Variants in XIRP2 observed in about 807,000 individuals in gnomAD.
The protein encoded by XIRP2 is xin actin-binding repeat-containing protein 2.
In XIRP2, 236 loss-of-function variants were observed where a neutral mutation model predicts 277.0. That is an observed-to-expected ratio of 0.85 (90% confidence interval 0.77 to 0.95). XIRP2 has a LOEUF of 0.95. Among genes scored for constraint, XIRP2 ranks in the 40% least tolerant of loss-of-function variants. The pLI is 0.00. For synonymous variants in XIRP2, 1,490 were observed against 1,416.5 expected, an observed-to-expected ratio of 1.05 and a Z score of -1.17; for missense variants, 4,640 against 4,157.5, an observed-to-expected ratio of 1.12 and a Z score of -3.19.
intron 2 of XIRP2, among the ~76,000 whole-genome samples, chr2:167,045,643 C>T (rs1366077606): frequency 6.6e-6 from 1 of 151,936 alleles, no homozygotes; most frequent in Non-Finnish European, 1.5e-5. Context: ...CTGCTCAACA[C>T]CATTAATCAT....
rs1695149020 is a variant in XIRP2, at chr2:167,243,614, T to C, written c.2222T>C (p.Leu741Ser). The C allele has an allele frequency of 2.5e-6, 4 of 1,613,886 alleles. No homozygotes were observed. In the East Asian group the frequency reaches 6.7e-5, roughly 27 times the overall value. The stretch of plus-strand genomic sequence containing the variant: ...ATAAAATGTTTCGAAACTCAACCAT[T>C]ATATGTTATTAGAGATGGTTCGGGC... ...RSIKCFETQP[L>S]YVIRDGSGQM... Residue 741 changes from leucine (L) to serine (S), a missense_variant, in exon 9 of 11, where the codon TTA becomes TCA. By Grantham distance (145) the Leu-to-Ser change is moderately radical. Transcript: ENST00000409195.
chr2:166,952,716 T>G (rs1396161776), intron 2 of XIRP2, among the ~76,000 whole-genome samples: 1 of 152,032 alleles, frequency 6.6e-6, no homozygotes, highest in Non-Finnish European at 1.5e-5. Flanking sequence ...ATGCTCATCT[T>G]TACTCTGTTT....
intron 2 of XIRP2, among the ~76,000 whole-genome samples, chr2:166,974,181 C>T (rs369078123): frequency 1.3e-4 from 20 of 152,146 alleles, no homozygotes; most frequent in African/African-American, 4.3e-4. Context: ...GTCTGCAGCA[C>T]GAGTTGTTTG....
At chr2:167,007,667 A>G (rs1206345889) in intron 2 of XIRP2, among the ~76,000 whole-genome samples, 2 of 144,834 alleles carry the variant, frequency 1.4e-5, no homozygotes, top group African/African-American at 5.2e-5. Context: ...CATATATCTT[A>G]CCCACATGTA....
chr2:167,155,240 A>G (rs370326379), intron 3 of XIRP2, among the ~76,000 whole-genome samples: 1 of 151,792 alleles, frequency 6.6e-6, no homozygotes, highest in Non-Finnish European at 1.5e-5. Context: ...TCCCTAACTC[A>G]TTTTATGAGG....
intron 3 of XIRP2, among the ~76,000 whole-genome samples, chr2:167,204,536 G>A (rs565774914): frequency 3.9e-5 from 6 of 152,214 alleles, no homozygotes; most frequent in African/African-American, 9.6e-5. Flanking sequence ...TTTAGAACCC[G>A]TCTCTGTTTC....
chr2:167,148,892 C>A (rs1281080050), intron 3 of XIRP2, among the ~76,000 whole-genome samples: 2 of 151,396 alleles, frequency 1.3e-5, no homozygotes, highest in African/African-American at 4.9e-5. Flanking sequence ...TAAGCAAGCC[C>A]AGAAACTGTT....
intron 2 of XIRP2, among the ~76,000 whole-genome samples, chr2:167,126,175 GCT>G (rs759213012): frequency 8.9e-4 from 116 of 130,086 alleles, no homozygotes; most frequent in Non-Finnish European, 1.2e-3. Context: ...CTCCTTGTGC[GCT>G]CTCTCTCTCT....
At position 167,057,742 on chromosome 2, in the gene XIRP2, T is replaced by G. The variant is rs182454043; in HGVS notation, c.409-78167T>G. Reference sequence around the variant, plus strand: ...TGAAAATAGAGACAACCATAAATCCTGAAGGAATTTTCTGCTTGGTCAGAA... The same window carrying G: ...TGAAAATAGAGACAACCATAAATCCGGAAGGAATTTTCTGCTTGGTCAGAA... On this transcript the variant is annotated intron_variant, in intron 2 of 10. Transcript: ENST00000409195. Among the ~76,000 whole-genome samples, 39 of 152,272 alleles carry G rather than the reference T, an allele frequency of 2.6e-4. 1 individual carries two copies. In the East Asian group the frequency reaches 3.5e-3, roughly 14 times the overall value.
At chr2:167,141,192 T>C (rs1691707860) in intron 3 of XIRP2, among the ~76,000 whole-genome samples, 2 of 152,334 alleles carry the variant, frequency 1.3e-5, no homozygotes, top group South Asian at 4.1e-4. Context: ...AAAAACTAAA[T>C]ATTATTTTTA....
chr2:167,230,435 C>T (rs1360313315), intron 5 of XIRP2, among the ~76,000 whole-genome samples: 1 of 151,954 alleles, frequency 6.6e-6, no homozygotes, highest in Non-Finnish European at 1.5e-5. Flanking sequence ...TCCTTCCCTT[C>T]CTCAAAATGT....
chr2:167,195,363 G>T (rs183604415), intron 3 of XIRP2, among the ~76,000 whole-genome samples: 1 of 152,250 alleles, frequency 6.6e-6, no homozygotes, highest in African/African-American at 2.4e-5. Context: ...TCAGTAATTT[G>T]ACCTGGTTCT....
intron 2 of XIRP2, among the ~76,000 whole-genome samples, chr2:166,968,326 C>T (rs1686482050): frequency 6.6e-6 from 1 of 151,808 alleles, no homozygotes; most frequent in South Asian, 2.1e-4. Flanking sequence ...TTTATCTATA[C>T]AAAAAGGCAC....
intron 3 of XIRP2, among the ~76,000 whole-genome samples, chr2:167,196,412 T>G (rs969356829): frequency 1.4e-5 from 2 of 141,810 alleles, no homozygotes; most frequent in East Asian, 4.2e-4. Context: ...GTCAAGAATT[T>G]TGTGTGTGTG....
In XIRP2 at chr2:167,041,046, C is replaced by T. The variant is rs188075000; in HGVS notation, c.409-94863C>T. ...TTGCCAGCAGATCAGGAACTCTCAG[C>T]CCCTCCACTGCAGTAAGAGTTTAAC... is the stretch of plus-strand genomic sequence containing the variant. On this transcript the variant is annotated intron_variant, in intron 2 of 10. Coordinates refer to ENST00000409195, the MANE Select transcript of XIRP2 (RefSeq NM_152381.6). Among the ~76,000 whole-genome samples the T allele has an allele frequency of 3.2e-3, 494 of 152,282 alleles. 3 individuals are homozygous for T. Among genetic ancestry groups the T allele is most frequent in the African/African-American group, 0.011 (471 of 41,560 alleles).
intron 2 of XIRP2, among the ~76,000 whole-genome samples, chr2:167,103,529 G>T (rs1271460612): frequency 1.3e-5 from 2 of 152,232 alleles, no homozygotes; most frequent in Admixed American, 6.5e-5. Context: ...AGTCACCATT[G>T]TTCCAGGAAT....
At position 167,258,350 on chromosome 2, in the gene XIRP2, C is replaced by G. The variant is rs765699907; in HGVS notation, c.*533C>G. The G allele has an allele frequency of 2.5e-6, 4 of 1,613,252 alleles. No homozygotes were observed. The highest frequency in any genetic ancestry group is 2.2e-5 in the South Asian group (2 of 91,054). ...ACAAGATCACTTTCCATTTTTGCAG[C>G]CTTATCTACAGTCCACCCATGTTTG... On this transcript the variant is annotated 3_prime_UTR_variant, in exon 11 of 11. Transcript: ENST00000409195.
chr2:167,211,096 T>A, intron 4 of XIRP2, among the ~76,000 whole-genome samples: 1 of 152,294 alleles, frequency 6.6e-6, no homozygotes, highest in East Asian at 1.9e-4. Flanking sequence ...TCTGAACTAC[T>A]ATTTTTATTT....
intron 2 of XIRP2, among the ~76,000 whole-genome samples, chr2:167,081,891 T>C (rs1029678190): frequency 1.3e-5 from 2 of 152,130 alleles, no homozygotes; most frequent in African/African-American, 4.8e-5. Context: ...TGAGAAAGCA[T>C]AGAAGGCTAG....
Sources: allele counts gnomAD v4.1 joint callset (sites outside exome capture counted in the v4.1 genomes callset), GRCh38; gene constraint gnomAD v4.1.1; transcripts MANE v1.5; gene names NCBI Gene and HGNC (gene_info 2026-07-23, HGNC 2026-07-21).